The following CYP4F11 variants were observed in gnomAD, a reference collection of about 807,000 sequenced individuals.
CYP4F11 encodes cytochrome P450 4F11.
A neutral mutation model predicts 62.2 loss-of-function variants in CYP4F11; 79 were observed. The ratio of observed to expected loss-of-function variants is 1.27; its 90% CI spans 1.06 to 1.53. CYP4F11 has a LOEUF of 1.53. CYP4F11 is among the 40% of genes most tolerant of loss of function. CYP4F11 has a pLI of 0.00. For missense variants in CYP4F11, 777 were observed against 680.5 expected (o/e 1.14, Z -1.58); for synonymous variants, 290 against 263.7 (o/e 1.10, Z -0.97).
chr19:15,913,552 A>T lies in CYP4F11; in HGVS notation c.*180T>A. On this transcript the variant is annotated 3_prime_UTR_variant, in exon 12 of 12. Coordinates refer to ENST00000402119, the MANE Select transcript of CYP4F11 (RefSeq NM_021187.4). ...GGGCCTAGATGCCCTGTGCTCAGCC[A>T]GAGAGGCCGTCAGGGTTTTGGGTTC... 2 of 732,520 alleles carry T rather than the reference A, an allele frequency of 2.7e-6. No individual in the cohort carries two copies. Among genetic ancestry groups the T allele is most frequent in the Non-Finnish European group, 2.2e-6 (1 of 452,300 alleles). The allele number at this position is 732,520 out of a possible 1,614,324, so 45.4% of individuals were successfully genotyped here. A position where few individuals can be genotyped will look rare whatever the true frequency, so the allele number is the denominator to read the frequency against.
At chr19:15,932,404 GGAGAGGAATGAGTGAGCGA>G (rs2089734930) in intron 1 of CYP4F11, among the ~76,000 whole-genome samples, 1 of 95,582 alleles carries the variant, frequency 1.0e-5, no homozygotes, top group Admixed American at 9.5e-5. Flanking sequence ...GAGTGAGTGA[GGAGAGGAATGAGTGAGCGA>G]GGAGAGGAAT....
upstream of CYP4F11, chr19:15,934,657 G>A: frequency 2.3e-6 from 1 of 442,232 alleles, no homozygotes; most frequent in Non-Finnish European, 3.9e-6. Flanking sequence ...AAAAGGCCCA[G>A]CCTGAATCAC....
At chr19:15,914,244 C>G in intron 11 of CYP4F11, 61 bp downstream of exon 11, 1 of 1,553,118 alleles carries the variant, frequency 6.4e-7, no homozygotes, top group Non-Finnish European at 8.8e-7. Flanking sequence ...CTGTAACTTC[C>G]CCCTTTTTGG....
Position 15,914,647 on chromosome 19 carries a change from A to G in CYP4F11, c.1269T>C (p.Asn423=), listed in dbSNP as rs776875447. The change falls in exon 10 of 12, where the codon AAT becomes AAC. Residue 423 remains asparagine (N), a synonymous_variant. Coordinates refer to ENST00000402119, the MANE Select transcript of CYP4F11 (RefSeq NM_021187.4). ...TTGGGTTGTAATGGATCCCGATAAT[A>G]TTGATGAGGCAGACAATGCCTGTGG... is the stretch of plus-strand genomic sequence containing the variant. The part of the protein sequence containing the change: ...VIPKGIVCLI[N]IIGIHYNPTV... 3.7e-6 allele frequency: 6 copies of G among 1,614,072 alleles called. No individual in the cohort carries two copies. In the South Asian group the frequency reaches 4.4e-5, roughly 12 times the overall value.
In CYP4F11 at chr19:15,934,289, G is replaced by T. The variant is rs761597851; in HGVS notation, c.120C>A (p.Thr40=). ...GGAGGCGGCGGCAGTTGTCATAGAA[G>T]GTGTAGGTCCAGGCCAGGACGCGGG... The part of the protein sequence containing the change: ...LLARVLAWTY[T]FYDNCRRLQC... Residue 40 remains threonine (T), a synonymous_variant, in exon 1 of 12, where the codon ACC becomes ACA. Transcript: ENST00000402119. The T allele has an allele frequency of 4.3e-6, 7 of 1,613,852 alleles. No homozygotes were observed. Among genetic ancestry groups the T allele is most frequent in the Non-Finnish European group, 5.9e-6 (7 of 1,179,852 alleles).
At chr19:15,926,468 T>G (rs1399486300) in intron 4 of CYP4F11, among the ~76,000 whole-genome samples, 1 of 152,220 alleles carries the variant, frequency 6.6e-6, no homozygotes, top group Non-Finnish European at 1.5e-5. Flanking sequence ...TCCCAATTCT[T>G]CACTTCTCCC....
chr19:15,922,313 T>C lies in CYP4F11; in HGVS notation c.985+51A>G, dbSNP rs114405853. On this transcript the variant is annotated intron_variant, in intron 7 of 11. Transcript: ENST00000402119. ...ATCCAGGGTCCACCCACTACGTTCC[T>C]GGGATGGAGAGGCCCCTGTCCCCAC... The C allele has an allele frequency of 2.8e-3, 4,540 of 1,609,892 alleles. 131 individuals carry two copies. The African/African-American group carries it at 0.054, about 19-fold the overall frequency.
chr19:15,923,665 G>A, intron 6 of CYP4F11, 147 bp downstream of exon 6: 5 of 1,127,808 alleles, frequency 4.4e-6, no homozygotes, highest in Non-Finnish European at 5.0e-6. Flanking sequence ...ATTCCACAGA[G>A]TCATCTCTCA....
chr19:15,914,473 G>A, intron 10 of CYP4F11, 86 bp from the exon 11 acceptor site: 1 of 1,558,024 alleles, frequency 6.4e-7, no homozygotes, highest in Non-Finnish European at 8.8e-7. Context: ...CCCGGCCTTG[G>A]AGAGACATTT....
In CYP4F11 at chr19:15,924,004, G is replaced by A. The variant is rs1200006875; in HGVS notation, c.726C>T (p.His242=). Residue 242 remains histidine, a synonymous_variant, in exon 6 of 12, where the codon CAC becomes CAT. Coordinates refer to ENST00000402119, the MANE Select transcript of CYP4F11 (RefSeq NM_021187.4). ...GAGTGAGATAATACAGGAAGTCCGT[G>A]TGCAAGAGAATCTGCTGGTTTCTCT... is the stretch of plus-strand genomic sequence containing the variant. ...VEKRNQQILL[H]TDFLYYLTPD... 3 of 1,614,090 alleles carry A rather than the reference G, an allele frequency of 1.9e-6. No homozygotes were observed. Among genetic ancestry groups the A allele is most frequent in the Non-Finnish European group, 2.5e-6 (3 of 1,180,040 alleles).
chr19:15,922,857 C>G lies in CYP4F11; in HGVS notation c.919-427G>C, dbSNP rs375816576. On this transcript the variant is annotated intron_variant, in intron 6 of 11. Transcript: ENST00000402119. ...TCACCTGAGGTCGGGAGTTCGCAAC[C>G]AGCCTGACCAACATGGAGAAACCCC... Among the ~76,000 whole-genome samples the G allele has an allele frequency of 6.6e-5, 10 of 151,842 alleles. No homozygotes were observed. The East Asian group carries it at 1.4e-3, about 21-fold the overall frequency.
intron 8 of CYP4F11, among the ~76,000 whole-genome samples, chr19:15,916,166 A>G (rs2089582085): frequency 6.6e-6 from 1 of 152,174 alleles, no homozygotes. Flanking sequence ...ACTATGTGTC[A>G]ATATTATGAT....
chr19:15,918,338 G>A (rs2145040022), intron 8 of CYP4F11, among the ~76,000 whole-genome samples: 1 of 152,210 alleles, frequency 6.6e-6, no homozygotes, highest in Admixed American at 6.5e-5. Flanking sequence ...AATGGATGCT[G>A]GGCTTAATAC....
chr19:15,930,042 ACTCT>A (rs914085516), intron 1 of CYP4F11, among the ~76,000 whole-genome samples: 2 of 129,692 alleles, frequency 1.5e-5, no homozygotes, highest in African/African-American at 5.7e-5. Flanking sequence ...TCCGTAATAA[ACTCT>A]CTCTCTCACG....
At position 15,934,356 on chromosome 19, in the gene CYP4F11, G is replaced by C. The variant is rs141146852; in HGVS notation, c.53C>G (p.Pro18Arg). The C allele has an allele frequency of 5.3e-5, 85 of 1,612,938 alleles. No individual in the cohort carries two copies. The highest frequency in any genetic ancestry group is 6.2e-5 in the Non-Finnish European group (73 of 1,179,444). ...TCCAACCAGCAGCAGAAGCAGCCAC[G>C]GGGATGCTGCCACGGGCCCGAGGCC... ...WLGLGPVAAS[P>R]WLLLLLVGGS... The change falls in exon 1 of 12, where the codon CCG (proline) becomes CGG (arginine). Residue 18 changes from proline (P) to arginine (R), a missense_variant. By Grantham distance (103) the Pro-to-Arg change is moderately radical. Coordinates refer to ENST00000402119, the MANE Select transcript of CYP4F11 (RefSeq NM_021187.4).
In CYP4F11 at chr19:15,923,864, T is replaced by C. The variant is rs1192930782; in HGVS notation, c.866A>G (p.Asn289Ser). The C allele has an allele frequency of 6.2e-7, 1 of 1,614,196 alleles. No homozygotes were observed. Among genetic ancestry groups the C allele is most frequent in the South Asian group, 1.1e-5 (1 of 91,080 alleles). The change falls in exon 6 of 12, where the codon AAC becomes AGC. Residue 289 changes from asparagine (N) to serine (S), a missense_variant. By Grantham distance (46) the Asn-to-Ser change is conservative. Coordinates refer to ENST00000402119, the MANE Select transcript of CYP4F11 (RefSeq NM_021187.4). ...GTCTAAAGTCTTGGACTTTGCCTTG[T>C]TCTTGAGGAAATCATCAATACCCTG... ...PTQGIDDFLK[N>S]KAKSKTLDFI...
chr19:15,925,850 G>A (rs2089665099), intron 4 of CYP4F11, among the ~76,000 whole-genome samples: 1 of 151,150 alleles, frequency 6.6e-6, no homozygotes, highest in East Asian at 2.0e-4. Flanking sequence ...CACATATCAG[G>A]CTTGCTTCTG....
rs59091525 is a variant in CYP4F11 at position 15,912,680 on chromosome 19, A to AAAAAAT, written c.*1051_*1052insATTTTT. The AAAAAAT allele has an allele frequency of 4.5e-5, 3 of 66,168 alleles. No individual in the cohort carries two copies. Among genetic ancestry groups the AAAAAAT allele is most frequent in the Middle Eastern group, 8.3e-3 (1 of 120 alleles). 4.1% of individuals were successfully genotyped at this position (66,168 alleles called of 1,614,324 possible). ...TCACCATCCTCAGGAAAAAAAAAAAAATATATATATATATATATGTGTGTG... is the reference window on the plus strand; with the variant it reads ...TCACCATCCTCAGGAAAAAAAAAAAAAAAAATATATATATATATATATATGTGTGTG... On this transcript the variant is annotated 3_prime_UTR_variant, in exon 12 of 12. Coordinates refer to ENST00000402119, the MANE Select transcript of CYP4F11 (RefSeq NM_021187.4).
Position 15,934,272 on chromosome 19 carries a change from CG to C in CYP4F11, c.136del (p.Arg46AlafsTer29). On this transcript the variant is annotated frameshift_variant, in exon 1 of 12. Transcript: ENST00000402119. LOFTEE classifies it high-confidence loss of function. ...GGGTTGAGGAAAACACTGGAGGCGG[CG>C]GCAGTTGTCATAGAAGGTGTAGGTC... is the stretch of plus-strand genomic sequence containing the variant. ...AWTYTFYDNC[R>X]RLQCFPQPPK... The C allele has an allele frequency of 6.2e-7, 1 of 1,613,788 alleles. No homozygotes were observed. The highest frequency in any genetic ancestry group is 8.5e-7 in the Non-Finnish European group (1 of 1,179,812).
Sources: gnomAD v4.1 joint callset for allele counts (sites outside exome capture counted in the v4.1 genomes callset) on GRCh38, gnomAD v4.1.1 for gene constraint, MANE v1.5 for transcripts, NCBI Gene and HGNC (gene_info 2026-07-23, HGNC 2026-07-21) for gene names.